LACTBL1: variants seen among roughly 807,000 people sequenced by gnomAD.
LACTBL1 encodes lactamase beta like 1, also known as beta-lactamase-like protein 1.
Under a neutral mutation model 39.6 loss-of-function variants are expected in LACTBL1, and 29 were observed. The ratio of observed to expected loss-of-function variants is 0.73; its 90% CI spans 0.55 to 1.00. LACTBL1 has a LOEUF of 1.00. LACTBL1 is among the 50% of genes least tolerant of loss of function. The pLI is 0.00. For synonymous variants in LACTBL1, 361 were observed against 360.7 expected, an observed-to-expected ratio of 1.00 and a Z score of -0.01; for missense variants, 711 against 748.5, an observed-to-expected ratio of 0.95 and a Z score of 0.59.
At chr1:22,955,360 A>G (rs1640751159) in exon 5 of LACTBL1, 4 of 1,550,514 alleles carry the variant, frequency 2.6e-6, no homozygotes, top group Non-Finnish European at 3.5e-6. Context: ...GTCCTTGAGC[A>G]GGTTCAGGGC....
intron 1 of LACTBL1, 103 bp downstream of exon 3, chr1:22,965,187 T>C (rs1031200092): frequency 3.6e-5 from 38 of 1,050,798 alleles, no homozygotes; most frequent in Non-Finnish European, 4.6e-5. Context: ...TGAGTCTAAA[T>C]CTTATGGTCC....
chr1:22,956,457 C>T, intron 4 of LACTBL1, among the ~76,000 whole-genome samples: 1 of 152,168 alleles, frequency 6.6e-6, no homozygotes, highest in Admixed American at 6.5e-5. Flanking sequence ...CATCCATTGA[C>T]TGAGACTCAG....
At chr1:22,953,883 G>A (rs1036972011) in exon 6 of LACTBL1, 15 of 1,549,408 alleles carry the variant, frequency 9.7e-6, no homozygotes, top group Non-Finnish European at 1.2e-5. Context: ...CGCGCACGTC[G>A]GGCGTGAGGT....
intron 2 of LACTBL1, among the ~76,000 whole-genome samples, chr1:22,962,318 G>A (rs1640830611): frequency 3.3e-5 from 5 of 152,058 alleles, no homozygotes; most frequent in Non-Finnish European, 7.4e-5. Flanking sequence ...GCACTCAACA[G>A]CCCTTTCCCT....
At chr1:22,963,200 C>T in exon 2 of LACTBL1, 3 of 1,356,322 alleles carry the variant, frequency 2.2e-6, no homozygotes, top group Non-Finnish European at 2.9e-6. Context: ...CAGAGGTCTC[C>T]TCTGGTCCCA....
chr1:22,963,827 G>A (rs1169736455), intron 1 of LACTBL1, among the ~76,000 whole-genome samples: 1 of 152,096 alleles, frequency 6.6e-6, no homozygotes, highest in Non-Finnish European at 1.5e-5. Flanking sequence ...AGGGGGATGA[G>A]CATCCTCCAG....
chr1:22,956,939 C>T (rs1177750285), intron 4 of LACTBL1, among the ~76,000 whole-genome samples: 5 of 152,108 alleles, frequency 3.3e-5, no homozygotes, highest in Admixed American at 2.0e-4. Flanking sequence ...CCCATTTCCC[C>T]TCCCTAGAGG....
At position 22,954,691 on chromosome 1, in the gene LACTBL1, G is replaced by C. The variant is rs537599560; in HGVS notation, c.659+630C>G. On this transcript the variant is annotated intron_variant, in intron 5 of 5. Transcript: ENST00000426928. ...TTGCAGAGCTGAGAGGAGGACTCCA[G>C]CCTGAAGATGTCCAAGCATCTCCTC... Among the ~76,000 whole-genome samples the C allele has an allele frequency of 1.2e-3, 186 of 152,342 alleles. 1 individual carries two copies. In the South Asian group the frequency reaches 0.019, roughly 16 times the overall value.
Position 22,958,779 on chromosome 1 carries a change from G to T in LACTBL1, c.459C>A (p.Ala153=). ...GCCCGTCCATCAGGCCCTGCTGTTCGGCTGATGCCAGGCCCAGCGGGTTGT... is the reference window on the plus strand; with the variant it reads ...GCCCGTCCATCAGGCCCTGCTGTTCTGCTGATGCCAGGCCCAGCGGGTTGT... Residue 153 remains alanine (A), a synonymous_variant, in exon 4 of 6, where the codon GCC becomes GCA. Coordinates refer to ENST00000426928, the Ensembl canonical transcript of LACTBL1. 6 of 1,550,662 alleles carry T rather than the reference G, an allele frequency of 3.9e-6. 1 individual carries two copies. Among genetic ancestry groups the T allele is most frequent in the East Asian group, 4.9e-5 (2 of 40,928 alleles).
intron 3 of LACTBL1, 123 bp from the exon 6 acceptor site, chr1:22,959,043 C>T (rs1462451656): frequency 1.6e-6 from 1 of 639,856 alleles, no homozygotes; most frequent in Non-Finnish European, 2.7e-6. Context: ...CTTAAGTCAA[C>T]ATCTCCAACA....
chr1:22,953,734 G>C, exon 6 of LACTBL1: 1 of 1,349,746 alleles, frequency 7.4e-7, no homozygotes, highest in Non-Finnish European at 9.5e-7. Context: ...GAGCCGCCGG[G>C]GCCCGCCGCC....
intron 4 of LACTBL1, among the ~76,000 whole-genome samples, chr1:22,957,451 G>A (rs189488910): frequency 2.0e-5 from 3 of 152,056 alleles, no homozygotes; most frequent in Admixed American, 6.6e-5. Flanking sequence ...CCCTCCATAC[G>A]GCTGCACCAA....
upstream of LACTBL1, among the ~76,000 whole-genome samples, chr1:22,967,158 CAGG>C (rs1250763250): frequency 6.6e-6 from 1 of 152,108 alleles, no homozygotes; most frequent in Non-Finnish European, 1.5e-5. Flanking sequence ...CACTTGAGCC[CAGG>C]AGTTCAAAAC....
intron 2 of LACTBL1, among the ~76,000 whole-genome samples, chr1:22,961,964 T>A (rs1640827195): frequency 6.6e-6 from 1 of 151,986 alleles, no homozygotes; most frequent in African/African-American, 2.4e-5. Context: ...GTCAGGCTGC[T>A]CTTGAACTCC....
chr1:22,965,349 A>G, upstream of LACTBL1: 2 of 1,282,068 alleles, frequency 1.6e-6, no homozygotes, highest in Non-Finnish European at 2.0e-6. Context: ...GACCACTGAG[A>G]GCAGGCAGAA....
At chr1:22,959,360 A>G (rs146023410) in intron 3 of LACTBL1, among the ~76,000 whole-genome samples, 12 of 152,336 alleles carry the variant, frequency 7.9e-5, no homozygotes, top group African/African-American at 2.6e-4. Context: ...TGCTCAGTAC[A>G]TGTTAGCACA....
At chr1:22,953,829 T>G (rs2124221477) in exon 6 of LACTBL1, 2 of 1,547,224 alleles carry the variant, frequency 1.3e-6, no homozygotes, top group Non-Finnish European at 1.7e-6. Flanking sequence ...GGTCATAGAG[T>G]GGCGCCGGCC....
chr1:22,966,705 C>T (rs185398024), upstream of LACTBL1, among the ~76,000 whole-genome samples: 44 of 152,282 alleles, frequency 2.9e-4, no homozygotes, highest in East Asian at 5.8e-4. Flanking sequence ...AACTGCCTTC[C>T]GAGCATTTCC....
At chr1:22,956,995 A>C (rs1640768060) in intron 4 of LACTBL1, among the ~76,000 whole-genome samples, 1 of 152,100 alleles carries the variant, frequency 6.6e-6, no homozygotes, top group African/African-American at 2.4e-5. Context: ...AAGATATTTG[A>C]TGCATATATA....
Sources: gnomAD v4.1 joint callset for allele counts (sites outside exome capture counted in the v4.1 genomes callset) on GRCh38, gnomAD v4.1.1 for gene constraint, MANE v1.5 for transcripts, NCBI Gene and HGNC (gene_info 2026-07-23, HGNC 2026-07-21) for gene names.